Variants in ANKS1B observed in about 807,000 individuals in gnomAD.
ANKS1B encodes ankyrin repeat and sterile alpha motif domain containing 1B.
Under a neutral mutation model 148.3 loss-of-function variants are expected in ANKS1B, and 36 were observed. The ratio of observed to expected loss-of-function variants is 0.24; its 90% confidence interval spans 0.19 to 0.32. The LOEUF (loss-of-function observed/expected upper bound fraction) is 0.32. Ranked by LOEUF, ANKS1B falls within the 10% of genes least tolerant of loss-of-function variation. ANKS1B has a pLI of 1.00. For missense variants in ANKS1B, 1,157 were observed against 1,542.6 expected (o/e 0.75, Z 4.19); for synonymous variants, 542 against 560.8 (o/e 0.97, Z 0.47).
chr12:98,950,545 C>A (rs1340948687), intron 17 of ANKS1B, among the ~76,000 whole-genome samples: 1 of 151,964 alleles, frequency 6.6e-6, no homozygotes, highest in African/African-American at 2.4e-5. Context: ...ATCTGTCCTG[C>A]GAGTCCTAAG....
At chr12:99,850,847 C>T (rs2087707012) in intron 1 of ANKS1B, among the ~76,000 whole-genome samples, 1 of 152,042 alleles carries the variant, frequency 6.6e-6, no homozygotes, top group Non-Finnish European at 1.5e-5. Context: ...TAAATCCTAA[C>T]TCAAGTTTCT....
At chr12:99,043,532 G>A (rs1425600481) in intron 17 of ANKS1B, among the ~76,000 whole-genome samples, 1 of 152,194 alleles carries the variant, frequency 6.6e-6, no homozygotes, top group Non-Finnish European at 1.5e-5. Context: ...AGGGTGCCAG[G>A]CATAAGGCTT....
At chr12:99,972,188 C>G (rs2095567414) in intron 1 of ANKS1B, among the ~76,000 whole-genome samples, 1 of 152,122 alleles carries the variant, frequency 6.6e-6, no homozygotes, top group Non-Finnish European at 1.5e-5. Flanking sequence ...AATGAATAAC[C>G]CTTCACTGAC....
intron 15 of ANKS1B, among the ~76,000 whole-genome samples, chr12:99,098,903 C>T (rs922458340): frequency 1.0e-5 from 1 of 98,626 alleles, no homozygotes; most frequent in Non-Finnish European, 2.4e-5. Context: ...GAAGTTCTTC[C>T]TAATTTTTTT....
chr12:99,252,552 A>G (rs1268161176), intron 12 of ANKS1B, among the ~76,000 whole-genome samples: 1 of 152,190 alleles, frequency 6.6e-6, no homozygotes, highest in East Asian at 1.9e-4. Flanking sequence ...GGGTGTAGCC[A>G]AATCACATGA....
At chr12:98,844,513 C>T (rs2099432603) in intron 17 of ANKS1B, among the ~76,000 whole-genome samples, 1 of 152,150 alleles carries the variant, frequency 6.6e-6, no homozygotes, top group African/African-American at 2.4e-5. Flanking sequence ...CAGTTTTTGC[C>T]AAACTTTATT....
At chr12:99,698,231 T>C (rs2054229631) in intron 8 of ANKS1B, among the ~76,000 whole-genome samples, 1 of 152,024 alleles carries the variant, frequency 6.6e-6, no homozygotes, top group Non-Finnish European at 1.5e-5. Context: ...CTATATAGAA[T>C]AAAATAAAAA....
At chr12:98,784,083 T>G (rs1566460301) in intron 22 of ANKS1B, among the ~76,000 whole-genome samples, 1 of 152,190 alleles carries the variant, frequency 6.6e-6, no homozygotes, top group Non-Finnish European at 1.5e-5. Context: ...AAGAAGCCAC[T>G]GAGATAAGGA....
chr12:99,272,459 T>C (rs1313045117), intron 12 of ANKS1B, among the ~76,000 whole-genome samples: 1 of 152,300 alleles, frequency 6.6e-6, no homozygotes, highest in East Asian at 1.9e-4. Context: ...CTACTATAAC[T>C]ATTTTGGAAC....
chr12:99,761,655 T>C (rs925611642), intron 8 of ANKS1B, among the ~76,000 whole-genome samples: 4 of 152,024 alleles, frequency 2.6e-5, no homozygotes, highest in Non-Finnish European at 5.9e-5. Flanking sequence ...GTATGGCTAC[T>C]CTCACCACTC....
chr12:98,803,907 A>G (rs1388381413), intron 20 of ANKS1B, among the ~76,000 whole-genome samples: 7 of 152,218 alleles, frequency 4.6e-5, no homozygotes, highest in Non-Finnish European at 1.0e-4. Flanking sequence ...TATTTACGTC[A>G]TCCACATAAG....
intron 17 of ANKS1B, among the ~76,000 whole-genome samples, chr12:98,837,819 GTTTAA>G (rs1269230672): frequency 2.6e-5 from 4 of 151,966 alleles, no homozygotes; most frequent in South Asian, 2.1e-4. Context: ...AATTTAACAT[GTTTAA>G]TTTAAACATG....
At position 99,246,371 on chromosome 12, in the gene ANKS1B, T is replaced by A; in HGVS notation, c.2250A>T (p.Lys750Asn). 1 of 1,613,900 alleles carries A rather than the reference T, an allele frequency of 6.2e-7. No individual in the cohort carries two copies. Among genetic ancestry groups the A allele is most frequent in the Non-Finnish European group, 8.5e-7 (1 of 1,179,844 alleles). The part of the protein sequence containing the change: ...SDLIAYPSNE[K>N]TSRVNWSESS... The stretch of plus-strand genomic sequence containing the variant: ...ATTCACTCCAGTTAACTCTTGATGT[T>A]TTCTCATTGGAAGGATAGGCAATGA... The change falls in exon 13 of 27, where the codon AAA (lysine) becomes AAT (asparagine). Residue 750 changes from lysine to asparagine, a missense_variant. This residue lies in a region of ANKS1B where 661 missense variants were observed against 642.1 expected (regional missense o/e 1.03). Coordinates refer to ENST00000683438, the MANE Select transcript of ANKS1B (RefSeq NM_001352186.2).
intron 11 of ANKS1B, among the ~76,000 whole-genome samples, chr12:99,426,979 A>G (rs116390061): frequency 0.015 from 2,247 of 152,254 alleles, 63 homozygotes; most frequent in South Asian, 0.04. Context: ...CGTAACCTGT[A>G]TCTCCTAAAT....
At chr12:99,466,616 G>A (rs547186296) in intron 10 of ANKS1B, among the ~76,000 whole-genome samples, 206 of 150,184 alleles carry the variant, frequency 1.4e-3, no homozygotes, top group Non-Finnish European at 2.3e-3. Flanking sequence ...TATCACCACC[G>A]ATCCCACAGA....
chr12:98,774,674 C>T (rs973953343), intron 24 of ANKS1B, among the ~76,000 whole-genome samples: 1 of 152,120 alleles, frequency 6.6e-6, no homozygotes, highest in Admixed American at 6.5e-5. Flanking sequence ...TACAGTGTTC[C>T]GTGTACAGCC....
intron 11 of ANKS1B, among the ~76,000 whole-genome samples, chr12:99,409,554 C>A (rs1163995395): frequency 7.2e-5 from 11 of 152,018 alleles, no homozygotes. Flanking sequence ...AGTTGATGAA[C>A]ACCCCATTTA....
At chr12:99,829,710 G>A (rs945120792) in intron 1 of ANKS1B, among the ~76,000 whole-genome samples, 1 of 151,928 alleles carries the variant, frequency 6.6e-6, no homozygotes, top group African/African-American at 2.4e-5. Flanking sequence ...CATGCCTGTA[G>A]TCCCAACTAC....
chr12:98,961,226 C>T (rs184278144), intron 17 of ANKS1B, among the ~76,000 whole-genome samples: 1 of 152,164 alleles, frequency 6.6e-6, no homozygotes, highest in Admixed American at 6.5e-5. Context: ...TCCCAAAGAT[C>T]AAGGATAAAG....
Sources: gnomAD v4.1 joint callset for allele counts (sites outside exome capture counted in the v4.1 genomes callset) on GRCh38, gnomAD v4.1.1 for gene constraint, gnomAD v4.1.1 regional missense constraint, MANE v1.5 for transcripts, NCBI Gene and HGNC (gene_info 2026-07-23, HGNC 2026-07-21) for gene names.